Variants in OSBPL10 observed in about 807,000 individuals in gnomAD.
OSBPL10 encodes the protein oxysterol-binding protein-related protein 10.
In OSBPL10, 49 loss-of-function variants were observed where a neutral mutation model predicts 81.7. The observed-to-expected ratio is 0.60, with a 90% CI of 0.48 to 0.76. The LOEUF (loss-of-function observed/expected upper bound fraction) is 0.76, where lower values mean the gene tolerates loss of function less well. OSBPL10 is among the 30% of genes least tolerant of loss of function. OSBPL10 has a pLI of 0.00. For missense variants in OSBPL10, 923 were observed against 987.8 expected (o/e 0.93, Z 0.88); for synonymous variants, 419 against 383.6 (o/e 1.09, Z -1.08).
rs1261330891 is a variant in OSBPL10 at position 31,989,912 on chromosome 3, G to C, written n.298+56579C>G. 1 of 1,614,174 alleles carries C rather than the reference G, an allele frequency of 6.2e-7. No homozygotes were observed. The highest frequency in any genetic ancestry group is 1.7e-5 in the Admixed American group (1 of 60,024). On this transcript the variant is annotated intron_variant and non_coding_transcript_variant, in intron 2 of 3. Coordinates refer to the OSBPL10 transcript ENST00000479173. ...AAGCGATACCTTGCATGCCATCATA[G>C]ATGTCACACTGGTGAGAAACCTTAC...
At chr3:31,966,153 ATGTGTGTGTGTGTGTG>A (rs59737552) in intron 1 of OSBPL10, among the ~76,000 whole-genome samples, 9,688 of 134,858 alleles carry the variant, frequency 0.072, 487 homozygotes, top group East Asian at 0.24. Context: ...CAACAAAATT[ATGTGTGTGTGTGTGTG>A]TGTGTGTGTG....
chr3:31,703,013 A>G (rs1281763690), intron 6 of OSBPL10, among the ~76,000 whole-genome samples: 1 of 152,236 alleles, frequency 6.6e-6, no homozygotes, highest in South Asian at 2.1e-4. Context: ...TCTAGCAGGT[A>G]TAAGAAAATG....
At chr3:31,907,366 C>T (rs895014558) in intron 1 of OSBPL10, among the ~76,000 whole-genome samples, 1 of 152,038 alleles carries the variant, frequency 6.6e-6, no homozygotes, top group South Asian at 2.1e-4. Flanking sequence ...CGGTGACTCA[C>T]GCCTGTAATC....
intron 1 of OSBPL10, among the ~76,000 whole-genome samples, chr3:31,922,901 C>T (rs1696960951): frequency 6.6e-6 from 1 of 151,920 alleles, no homozygotes; most frequent in Non-Finnish European, 1.5e-5. Flanking sequence ...CCTTCTAGAG[C>T]ACAAAACGGA....
chr3:31,805,025 C>T lies in OSBPL10; in HGVS notation c.729+25015G>A, dbSNP rs148256696. ...GGTTTTCAAAATCATTGACAAAATT[C>T]GTAATTATTATTTTAATGTAAAAGG... On this transcript the variant is annotated intron_variant, in intron 4 of 11. Coordinates refer to ENST00000396556, the MANE Select transcript of OSBPL10 (RefSeq NM_017784.5). Among the ~76,000 whole-genome samples the T allele has an allele frequency of 1.5e-3, 221 of 152,202 alleles. 2 individuals are homozygous for T. In the East Asian group the frequency reaches 0.03, roughly 21 times the overall value.
At chr3:31,988,610 CTCTCTCTCTCTT>C (rs1401984303) in intron 2 of OSBPL10, 1 of 174,424 alleles carries the variant, frequency 5.7e-6, no homozygotes, top group Admixed American at 5.4e-5. Flanking sequence ...CACTCTCGCT[CTCTCTCTCTCTT>C]TCTCTCTCCC....
intron 4 of OSBPL10, among the ~76,000 whole-genome samples, chr3:31,790,817 C>A (rs111608572): frequency 1.3e-5 from 2 of 152,214 alleles, no homozygotes; most frequent in Non-Finnish European, 2.9e-5. Flanking sequence ...AAGAGGTTAA[C>A]ATCATTGGAA....
intron 11 of OSBPL10, chr3:31,663,404 C>CT (rs1360645006): frequency 2.0e-6 from 2 of 986,668 alleles, no homozygotes. Context: ...AGACGTGTGG[C>CT]TCCTACATTT....
In OSBPL10 at chr3:31,812,718, AAAAGAAAGAAAG is replaced by A. The variant is rs140026828; in HGVS notation, c.729+17310_729+17321del. 8.9e-3 allele frequency among the ~76,000 whole-genome samples: 371 copies of A among 41,720 alleles called. 1 individual carries two copies. The highest frequency in any genetic ancestry group is 0.018 in the Middle Eastern group (1 of 56). 27.4% of individuals were successfully genotyped at this position (41,720 alleles called of 152,430 possible). A position where few individuals can be genotyped will look rare whatever the true frequency, so the allele number is the denominator to read the frequency against. On this transcript the variant is annotated intron_variant, in intron 4 of 11. Transcript: ENST00000396556. ...GGAATCTCTACACAGTAGGCAAAAA[AAAAGAAAGAAAG>A]AAAGAAAGAAAGAAAGAAAGAAAGA...
At chr3:31,973,727 T>A (rs1698622549) in intron 1 of OSBPL10, among the ~76,000 whole-genome samples, 1 of 152,220 alleles carries the variant, frequency 6.6e-6, no homozygotes, top group African/African-American at 2.4e-5. Flanking sequence ...AGCCATCTAT[T>A]CACTTATGCA....
chr3:31,786,674 A>G (rs576601456), intron 4 of OSBPL10, among the ~76,000 whole-genome samples: 1 of 152,338 alleles, frequency 6.6e-6, no homozygotes, highest in Non-Finnish European at 1.5e-5. Flanking sequence ...TTAAAGTTTC[A>G]CCATGAATTG....
intron 4 of OSBPL10, among the ~76,000 whole-genome samples, chr3:31,783,818 AAAAAAATATATATATATATATATATATAT>A: frequency 1.5e-5 from 1 of 67,662 alleles, no homozygotes; most frequent in Non-Finnish European, 2.7e-5. Flanking sequence ...AAAAAAAAAA[AAAAAAATATATATATATATATATATATAT>A]ATATATATAT....
At chr3:31,736,571 A>G (rs965596360) in intron 5 of OSBPL10, among the ~76,000 whole-genome samples, 4 of 152,206 alleles carry the variant, frequency 2.6e-5, no homozygotes, top group Non-Finnish European at 5.9e-5. Context: ...AGAAACCTCA[A>G]ACTGGATTCA....
intron 4 of OSBPL10, among the ~76,000 whole-genome samples, chr3:31,770,630 T>C (rs886120908): frequency 4.6e-5 from 7 of 151,988 alleles, no homozygotes. Flanking sequence ...CTACTAAAAA[T>C]ACAAAATTAG....
intron 4 of OSBPL10, among the ~76,000 whole-genome samples, chr3:31,761,797 A>G (rs574993034): frequency 2.0e-3 from 281 of 142,998 alleles, no homozygotes; most frequent in Non-Finnish European, 3.5e-3. Flanking sequence ...CCTGGGCAAC[A>G]GAGCAAGACT....
intron 4 of OSBPL10, among the ~76,000 whole-genome samples, chr3:31,770,741 G>A (rs978053278): frequency 3.3e-5 from 5 of 152,048 alleles, no homozygotes; most frequent in Admixed American, 6.5e-5. Flanking sequence ...AACCAAGATC[G>A]CGTCATTGCA....
chr3:31,871,377 C>A (rs759731737), intron 3 of OSBPL10, among the ~76,000 whole-genome samples: 4 of 152,070 alleles, frequency 2.6e-5, no homozygotes, highest in Non-Finnish European at 5.9e-5. Context: ...TATGAACCCA[C>A]CAGAAGGAAG....
At chr3:31,691,632 G>A (rs1695554248) in intron 7 of OSBPL10, among the ~76,000 whole-genome samples, 1 of 152,148 alleles carries the variant, frequency 6.6e-6, no homozygotes, top group Admixed American at 6.5e-5. Flanking sequence ...TCTGTAGGCT[G>A]AGGCAGGAGG....
intron 1 of OSBPL10, among the ~76,000 whole-genome samples, chr3:31,880,093 C>T (rs1459428153): frequency 2.0e-5 from 3 of 152,218 alleles, no homozygotes; most frequent in African/African-American, 7.2e-5. Flanking sequence ...GCCCACACTT[C>T]ACCCAGTACC....
Sources: allele counts gnomAD v4.1 joint callset (sites outside exome capture counted in the v4.1 genomes callset), GRCh38; gene constraint gnomAD v4.1.1; transcripts MANE v1.5; gene names NCBI Gene and HGNC (gene_info 2026-07-23, HGNC 2026-07-21).